Variants in SLC24A2 observed in about 807,000 individuals in gnomAD.
SLC24A2 encodes solute carrier family 24 member 2.
A neutral mutation model predicts 62.0 loss-of-function variants in SLC24A2; 36 were observed. The observed-to-expected ratio is 0.58, with a 90% CI of 0.44 to 0.77. The LOEUF (loss-of-function observed/expected upper bound fraction) is 0.77. SLC24A2 is among the 30% of genes least tolerant of loss of function. SLC24A2 has a pLI of 0.00. For synonymous variants in SLC24A2, 358 were observed against 294.0 expected (o/e 1.22, Z -2.23); for missense variants, 846 against 817.9 (o/e 1.03, Z -0.42).
intron 6 of SLC24A2, among the ~76,000 whole-genome samples, chr9:19,574,891 T>A (rs2891134): frequency 6.6e-6 from 1 of 152,160 alleles, no homozygotes; most frequent in African/African-American, 2.4e-5. Flanking sequence ...TGTCAGGGTT[T>A]CTGGGGGTAT....
chr9:20,060,605 G>A, the SLC24A2 span, among the ~76,000 whole-genome samples: 1 of 152,070 alleles, frequency 6.6e-6, no homozygotes, highest in Non-Finnish European at 1.5e-5. Context: ...ACTGATTCAT[G>A]ATGAAAATCT....
At chr9:20,304,638 T>C in the SLC24A2 span, among the ~76,000 whole-genome samples, 2 of 152,224 alleles carry the variant, frequency 1.3e-5, no homozygotes, top group African/African-American at 4.8e-5. Context: ...ATATGCTTAT[T>C]CTTATAGGTA....
At chr9:19,741,912 AAT>A (rs1821692160) in intron 2 of SLC24A2, among the ~76,000 whole-genome samples, 1 of 152,240 alleles carries the variant, frequency 6.6e-6, no homozygotes, top group African/African-American at 2.4e-5. Context: ...TATATTTTAA[AAT>A]ATGACTATTG....
At chr9:19,662,307 G>A (rs1373986457) in intron 2 of SLC24A2, among the ~76,000 whole-genome samples, 1 of 152,194 alleles carries the variant, frequency 6.6e-6, no homozygotes, top group African/African-American at 2.4e-5. Context: ...AAACCAGAGT[G>A]TGTGTTAATA....
chr9:19,800,469 C>A, the SLC24A2 span, among the ~76,000 whole-genome samples: 1 of 152,124 alleles, frequency 6.6e-6, no homozygotes, highest in African/African-American at 2.4e-5. Context: ...TTCAATTTGT[C>A]CAAATGTCAT....
chr9:19,966,426 A>T, the SLC24A2 span, among the ~76,000 whole-genome samples: 1 of 152,342 alleles, frequency 6.6e-6, no homozygotes, highest in East Asian at 1.9e-4. Flanking sequence ...GTATGAACAC[A>T]AAGATCATTT....
the SLC24A2 span, among the ~76,000 whole-genome samples, chr9:20,205,811 T>G: frequency 6.6e-5 from 10 of 152,172 alleles, no homozygotes; most frequent in African/African-American, 2.4e-4. Context: ...AAGTTAAACT[T>G]TCAAGCACAA....
In SLC24A2 at chr9:19,513,221, C is replaced by G. The variant is rs1320678898; in HGVS notation, c.*2932G>C. ...ATATTTATATATGTATATACACAGG[C>G]ATGCAGGAAACGAGTTAGAGATGAC... On this transcript the variant is annotated 3_prime_UTR_variant, in exon 11 of 11. Transcript: ENST00000341998. The G allele has an allele frequency of 3.4e-4, 47 of 139,112 alleles. No individual in the cohort carries two copies. The Admixed American group carries it at 3.6e-3, about 11-fold the overall frequency. 8.6% of individuals were successfully genotyped at this position (139,112 alleles called of 1,614,324 possible). A position where few individuals can be genotyped will look rare whatever the true frequency, so the allele number is the denominator to read the frequency against.
intron 4 of SLC24A2, among the ~76,000 whole-genome samples, chr9:19,609,321 C>A (rs1047783641): frequency 6.6e-6 from 1 of 152,248 alleles, no homozygotes; most frequent in Non-Finnish European, 1.5e-5. Flanking sequence ...CTGGCCAGGG[C>A]AGTGGTGCTT....
intron 2 of SLC24A2, among the ~76,000 whole-genome samples, chr9:19,732,840 G>T (rs919647498): frequency 1.3e-5 from 2 of 152,092 alleles, no homozygotes; most frequent in Admixed American, 6.5e-5. Flanking sequence ...AAAAGGCTGA[G>T]AATTGAAAAT....
At chr9:19,661,852 G>A (rs776371898) in intron 2 of SLC24A2, among the ~76,000 whole-genome samples, 3 of 152,190 alleles carry the variant, frequency 2.0e-5, no homozygotes, top group African/African-American at 7.2e-5. Context: ...CAACCTATGT[G>A]AGTGTAGATT....
intron 4 of SLC24A2, among the ~76,000 whole-genome samples, chr9:19,607,258 C>T (rs994066380): frequency 2.0e-5 from 3 of 152,200 alleles, no homozygotes; most frequent in African/African-American, 4.8e-5. Flanking sequence ...GTAATTGCAT[C>T]TGTGACAGCT....
At chr9:20,282,861 T>G in the SLC24A2 span, among the ~76,000 whole-genome samples, 1 of 152,010 alleles carries the variant, frequency 6.6e-6, no homozygotes, top group Non-Finnish European at 1.5e-5. Context: ...CTATTACTAT[T>G]TTTCATGTAA....
At chr9:20,037,179 T>C in the SLC24A2 span, among the ~76,000 whole-genome samples, 1 of 122,566 alleles carries the variant, frequency 8.2e-6, no homozygotes, top group Admixed American at 7.8e-5. Flanking sequence ...ATTACAGGCG[T>C]GAGCCGCTGC....
intron 7 of SLC24A2, among the ~76,000 whole-genome samples, chr9:19,552,509 T>G (rs1834894081): frequency 6.6e-6 from 1 of 152,104 alleles, no homozygotes; most frequent in African/African-American, 2.4e-5. Context: ...CCATCTCACA[T>G]GAGAGATGAT....
At chr9:20,153,779 C>T in the SLC24A2 span, among the ~76,000 whole-genome samples, 1 of 151,948 alleles carries the variant, frequency 6.6e-6, no homozygotes, top group African/African-American at 2.4e-5. Context: ...CAGGGCAAAA[C>T]ACCAAAATGT....
chr9:20,029,487 C>A, the SLC24A2 span, among the ~76,000 whole-genome samples: 1 of 152,210 alleles, frequency 6.6e-6, no homozygotes, highest in Non-Finnish European at 1.5e-5. Flanking sequence ...CTCAGTCCAT[C>A]TGACTGCAGC....
chr9:19,629,268 T>G (rs779951605), intron 2 of SLC24A2, among the ~76,000 whole-genome samples: 3 of 152,120 alleles, frequency 2.0e-5, no homozygotes, highest in Non-Finnish European at 4.4e-5. Flanking sequence ...CAGTGACCTG[T>G]GAGGAGGCTG....
the SLC24A2 span, among the ~76,000 whole-genome samples, chr9:20,228,405 AC>A: frequency 6.6e-6 from 1 of 152,046 alleles, no homozygotes. Flanking sequence ...TCACATACAC[AC>A]CCAGAGAAGG....
Sources: gnomAD v4.1 joint callset for allele counts (sites outside exome capture counted in the v4.1 genomes callset) on GRCh38, gnomAD v4.1.1 for gene constraint, MANE v1.5 for transcripts, NCBI Gene and HGNC (gene_info 2026-07-23, HGNC 2026-07-21) for gene names.